THADA: variants seen among roughly 807,000 people sequenced by gnomAD.
THADA encodes the protein tRNA (32-2'-O)-methyltransferase regulator THADA.
Under a neutral mutation model 219.8 loss-of-function variants are expected in THADA, and 213 were observed. The ratio of observed to expected loss-of-function variants is 0.97; its 90% CI spans 0.87 to 1.09. The LOEUF (loss-of-function observed/expected upper bound fraction) is 1.09. Among genes scored for constraint, THADA ranks in the 50% least tolerant of loss-of-function variants. THADA has a pLI of 0.00. For missense variants in THADA, 2,956 were observed against 2,311.3 expected (o/e 1.28, Z -5.72); for synonymous variants, 1,018 against 828.9 (o/e 1.23, Z -3.92).
At position 43,427,020 on chromosome 2, in the gene THADA, G is replaced by C. The variant is rs17030789; in HGVS notation, c.4058+1080C>G. Reference sequence around the variant, plus strand: ...AAATGCCTGAAAAGATGTAACACAAGAAGTGGTAATAGGCTCTAAAAGAAG... The same window carrying C: ...AAATGCCTGAAAAGATGTAACACAACAAGTGGTAATAGGCTCTAAAAGAAG... On this transcript the variant is annotated intron_variant, in intron 28 of 37. Coordinates refer to ENST00000405975, the MANE Select transcript of THADA (RefSeq NM_022065.5). Among the ~76,000 whole-genome samples, 519 of 152,284 alleles carry C rather than the reference G, an allele frequency of 3.4e-3. 17 individuals carry two copies. The East Asian group carries it at 0.087, about 25-fold the overall frequency.
chr2:43,308,086 T>C (rs566313391), intron 31 of THADA, among the ~76,000 whole-genome samples: 2 of 152,324 alleles, frequency 1.3e-5, no homozygotes, highest in South Asian at 4.1e-4. Context: ...CTGGGCATAG[T>C]GGCTCACATC....
At chr2:43,418,940 T>C (rs1398253847) in intron 28 of THADA, among the ~76,000 whole-genome samples, 1 of 152,172 alleles carries the variant, frequency 6.6e-6, no homozygotes, top group South Asian at 2.1e-4. Flanking sequence ...TATTTGTTGG[T>C]GCAGTTTAGT....
Position 43,429,809 on chromosome 2 carries a change from A to C in THADA, c.3926+404T>G, listed in dbSNP as rs551043759. On this transcript the variant is annotated intron_variant, in intron 27 of 37. Coordinates refer to ENST00000405975, the MANE Select transcript of THADA (RefSeq NM_022065.5). ...ATAACTTTTCAGGTACAAATTTACT[A>C]CAGAGAACCAAGCAATATGATATAA... 4.6e-5 allele frequency among the ~76,000 whole-genome samples: 7 copies of C among 152,080 alleles called. 1 individual carries two copies. The highest frequency in any genetic ancestry group is 1.7e-4 in the African/African-American group (7 of 41,544).
intron 25 of THADA, among the ~76,000 whole-genome samples, chr2:43,496,338 G>A (rs1020636957): frequency 2.0e-5 from 3 of 152,246 alleles, no homozygotes; most frequent in South Asian, 2.1e-4. Flanking sequence ...TCCAACAATT[G>A]TACTGGGTAT....
intron 20 of THADA, among the ~76,000 whole-genome samples, chr2:43,543,317 T>A (rs13016863): frequency 0.26 from 32,537 of 123,992 alleles, 4,501 homozygotes; most frequent in African/African-American, 0.32. Context: ...CTATTGTGAA[T>A]AGTGCCGCAA....
intron 28 of THADA, chr2:43,408,403 T>G (rs1252517088): frequency 1.3e-5 from 2 of 152,194 alleles, no homozygotes; most frequent in African/African-American, 4.8e-5. Flanking sequence ...AAGACAAGTT[T>G]GAACTGCCCA....
chr2:43,593,936 GACT>G (rs1450027774), intron 1 of THADA, among the ~76,000 whole-genome samples: 1 of 152,060 alleles, frequency 6.6e-6, no homozygotes, highest in Non-Finnish European at 1.5e-5. Flanking sequence ...CCCAGCCTTA[GACT>G]TCTTGTCTTG....
chr2:43,570,838 T>C (rs979745734), intron 13 of THADA, among the ~76,000 whole-genome samples: 3 of 74,266 alleles, frequency 4.0e-5, no homozygotes, highest in African/African-American at 3.1e-4. Context: ...TATTTGATAA[T>C]GATCTTTTGA....
rs1231267541 is a variant in THADA, at chr2:43,566,413, C to T, written c.2311+285G>A. Reference sequence around the variant, plus strand: ...ATTGGATACTATCTTAAAACAGCAACAAACAAATTAGTGAGGTAATAGCTG... The same window carrying T: ...ATTGGATACTATCTTAAAACAGCAATAAACAAATTAGTGAGGTAATAGCTG... On this transcript the variant is annotated intron_variant, in intron 15 of 37. Transcript: ENST00000405975. The T allele has an allele frequency of 8.6e-6, 6 of 695,140 alleles. No individual in the cohort carries two copies. The East Asian group carries it at 1.4e-4, about 16-fold the overall frequency. The allele number at this position is 695,140 out of a possible 1,614,324, so 43.1% of individuals were successfully genotyped here.
chr2:43,410,399 G>A (rs1454623944), intron 28 of THADA, among the ~76,000 whole-genome samples: 3 of 152,182 alleles, frequency 2.0e-5, no homozygotes, highest in African/African-American at 7.2e-5. Context: ...TTACACTAGA[G>A]AAATGAAAGC....
chr2:43,467,171 G>C (rs1454121732), intron 26 of THADA, among the ~76,000 whole-genome samples: 1 of 92,872 alleles, frequency 1.1e-5, no homozygotes, highest in Non-Finnish European at 2.0e-5. Context: ...GACAGAGCGA[G>C]ACTCCGTCTC....
rs574896093 is a variant in THADA at position 43,293,104 on chromosome 2, G to C, written c.4548C>G (p.Leu1516=). The change falls in exon 32 of 38, where the codon CTC becomes CTG. Residue 1516 remains leucine, a synonymous_variant. Transcript: ENST00000405975. ...AFKVPGLPQY[L]QSLTRLAIAA... ...CAATGGCTAGTCTGGTGAGGCTCTG[G>C]AGGTACTGGGGCAGGCCTGGCACCT... 6.8e-6 allele frequency: 11 copies of C among 1,613,988 alleles called. No homozygotes were observed. In the South Asian group the frequency reaches 1.2e-4, roughly 18 times the overall value.
intron 29 of THADA, among the ~76,000 whole-genome samples, chr2:43,345,100 A>G (rs1352074480): frequency 6.6e-6 from 1 of 151,980 alleles, no homozygotes; most frequent in Non-Finnish European, 1.5e-5. Flanking sequence ...CACACTAAGA[A>G]CTCTGAAAGT....
At chr2:43,296,875 G>C (rs953234602) in intron 31 of THADA, among the ~76,000 whole-genome samples, 1 of 151,390 alleles carries the variant, frequency 6.6e-6, no homozygotes, top group Non-Finnish European at 1.5e-5. Flanking sequence ...AGGAGCGGAC[G>C]GGCCCCGCGG....
At chr2:43,410,092 A>T (rs1242237300) in intron 28 of THADA, among the ~76,000 whole-genome samples, 9 of 152,186 alleles carry the variant, frequency 5.9e-5, no homozygotes, top group Admixed American at 5.2e-4. Context: ...TCAAAGCTTC[A>T]AACAGACACT....
intron 25 of THADA, among the ~76,000 whole-genome samples, chr2:43,497,624 T>C (rs1468598827): frequency 2.0e-5 from 3 of 152,172 alleles, no homozygotes; most frequent in African/African-American, 7.2e-5. Flanking sequence ...TTATGGCTCA[T>C]GCCTGTAATC....
Position 43,333,559 on chromosome 2 carries a change from C to T in THADA, c.4343+10563G>A, listed in dbSNP as rs539389504. On this transcript the variant is annotated intron_variant, in intron 30 of 37. Coordinates refer to ENST00000405975, the MANE Select transcript of THADA (RefSeq NM_022065.5). ...AAGGAAAGAAAGAAAGAAGAAAAAA[C>T]GAGAGAAAGAAAAGAAACAAACCAA... 4.0e-5 allele frequency among the ~76,000 whole-genome samples: 6 copies of T among 150,880 alleles called. No individual in the cohort carries two copies. In the East Asian group the frequency reaches 9.7e-4, roughly 24 times the overall value.
chr2:43,560,994 G>A (rs1205710839), intron 15 of THADA, among the ~76,000 whole-genome samples: 4 of 139,642 alleles, frequency 2.9e-5, no homozygotes, highest in South Asian at 2.2e-4. Flanking sequence ...TCCAGCCTGC[G>A]CAACAGAGTG....
chr2:43,248,146 TATATATATATATATATATAGAGAG>T (rs1478480242), intron 36 of THADA, among the ~76,000 whole-genome samples: 15 of 88,488 alleles, frequency 1.7e-4, no homozygotes, highest in African/African-American at 4.2e-4. Flanking sequence ...TATATATATA[TATATATATATATATATATAGAGAG>T]AGAGAGAGAG....
Sources: allele counts gnomAD v4.1 joint callset (sites outside exome capture counted in the v4.1 genomes callset), GRCh38; gene constraint gnomAD v4.1.1; transcripts MANE v1.5; gene names NCBI Gene and HGNC (gene_info 2026-07-23, HGNC 2026-07-21).